MTNR1B: variants seen among roughly 807,000 people sequenced by gnomAD.
The protein encoded by MTNR1B is melatonin receptor 1B, also known as melatonin receptor type 1B.
In MTNR1B, 7 loss-of-function variants were observed where a neutral mutation model predicts 7.0. That is an observed-to-expected ratio of 1.00 (90% CI 0.57 to 1.88). MTNR1B has a LOEUF of 1.88. Among genes scored for constraint, MTNR1B ranks in the 40% most tolerant of loss-of-function variants. MTNR1B has a pLI of 0.00. For missense variants in MTNR1B, 478 were observed against 486.5 expected, an observed-to-expected ratio of 0.98 and a Z score of 0.16; for synonymous variants, 226 against 208.2, an observed-to-expected ratio of 1.09 and a Z score of -0.74.
At chr11:92,983,533 A>AG (rs1277273161), downstream of MTNR1B, among the ~76,000 whole-genome samples, 1 of 151,932 alleles carries the variant, frequency 6.6e-6, no homozygotes, top group Non-Finnish European at 1.5e-5. Flanking sequence ...AAAAAAAAAA[A>AG]AAGAAGAAGA....
chr11:92,972,545 G>A (rs1857947815), intron 1 of MTNR1B: 3 of 456,090 alleles, frequency 6.6e-6, no homozygotes, highest in African/African-American at 6.0e-5. Flanking sequence ...AGGGAGGAGT[G>A]GAGGCAAGGT....
chr11:92,980,177 C>T (rs1256873161), intron 1 of MTNR1B, among the ~76,000 whole-genome samples: 1 of 152,182 alleles, frequency 6.6e-6, no homozygotes, highest in Non-Finnish European at 1.5e-5. Flanking sequence ...GGGAGTTCCT[C>T]CTGCACACCA....
chr11:92,969,787 G>A lies in MTNR1B; in HGVS notation c.62G>A (p.Gly21Asp), dbSNP rs1453817729. Residue 21 changes from glycine (G) to aspartate (D), a missense_variant, in exon 1 of 2, where the codon GGC (glycine) becomes GAC (aspartate). Physicochemically the swap from Gly to Asp is moderately conservative, Grantham distance 94. Transcript: ENST00000257068. ...GCGGGCGGGTGGGCAGTGCGCCCGGGCTGGTCGGGGGCTGGCAGCGCGCGG... is the reference window on the plus strand; with the variant it reads ...GCGGGCGGGTGGGCAGTGCGCCCGGACTGGTCGGGGGCTGGCAGCGCGCGG... ...CEAGGWAVRP[G>D]WSGAGSARPS... 2.6e-6 allele frequency: 4 copies of A among 1,547,686 alleles called. No individual in the cohort carries two copies. The East Asian group carries it at 7.3e-5, about 28-fold the overall frequency.
Position 92,981,454 on chromosome 11 carries a change from G to T in MTNR1B, c.231G>T (p.Leu77Phe), listed in dbSNP as rs1464207313. ...RNRKLRNAGN[L>F]FLVSLALADL... is the part of the protein sequence containing the mutation. ...CTCTGTTTGCTGCTTCAGGTAATTT[G>T]TTCTTGGTGAGTCTGGCATTGGCTG... Residue 77 changes from leucine to phenylalanine, a missense_variant, in exon 2 of 2, where the codon TTG becomes TTT. Physicochemically the swap from Leu to Phe is conservative, Grantham distance 22. Transcript: ENST00000257068. 1 of 1,612,164 alleles carries T rather than the reference G, an allele frequency of 6.2e-7. No homozygotes were observed. The highest frequency in any genetic ancestry group is 8.5e-7 in the Non-Finnish European group (1 of 1,178,832).
chr11:92,982,109 C>G lies in MTNR1B; in HGVS notation c.886C>G (p.Leu296Val), dbSNP rs781443982. ...GGGGCTATTTGTCACTAGCTACTTA[C>G]TGGCTTATTTCAACAGCTGCCTGAA... is the stretch of plus-strand genomic sequence containing the variant. ...PEGLFVTSYL[L>V]AYFNSCLNAI... The change falls in exon 2 of 2, where the codon CTG (leucine) becomes GTG (valine). Residue 296 changes from leucine to valine, a missense_variant. Leu to Val is a conservative substitution (Grantham distance 32). Coordinates refer to ENST00000257068, the MANE Select transcript of MTNR1B (RefSeq NM_005959.5). The G allele has an allele frequency of 1.2e-6, 2 of 1,614,100 alleles. No homozygotes were observed. Among genetic ancestry groups the G allele is most frequent in the Non-Finnish European group, 1.7e-6 (2 of 1,180,054 alleles).
At position 92,982,749 on chromosome 11, in the gene MTNR1B, T is replaced by G; in HGVS notation, c.*437T>G. 4.8e-6 allele frequency: 1 copy of G among 207,396 alleles called. No homozygotes were observed. Among genetic ancestry groups the G allele is most frequent in the Non-Finnish European group, 9.7e-6 (1 of 102,816 alleles). 12.8% of individuals were successfully genotyped at this position (207,396 alleles called of 1,614,324 possible). On this transcript the variant is annotated 3_prime_UTR_variant, in exon 2 of 2. Coordinates refer to ENST00000257068, the MANE Select transcript of MTNR1B (RefSeq NM_005959.5). Reference sequence around the variant, plus strand: ...GTCAGTAGGACTGGAACTTGGTAACTGCAAGGGCCTCAGGTGGGGCAGGTG... The same window carrying G: ...GTCAGTAGGACTGGAACTTGGTAACGGCAAGGGCCTCAGGTGGGGCAGGTG...
In MTNR1B at chr11:92,982,330, C is replaced by A; in HGVS notation, c.*18C>A. ...CTCTCTAGCCTGGATCTGAGGCACA[C>A]CAGCAGCATGACAAACTCATGAAAT... is the stretch of plus-strand genomic sequence containing the variant. On this transcript the variant is annotated 3_prime_UTR_variant, in exon 2 of 2. Coordinates refer to ENST00000257068, the MANE Select transcript of MTNR1B (RefSeq NM_005959.5). 1.9e-6 allele frequency: 3 copies of A among 1,596,642 alleles called. No homozygotes were observed. Among genetic ancestry groups the A allele is most frequent in the Non-Finnish European group, 2.6e-6 (3 of 1,173,366 alleles).
intron 1 of MTNR1B, among the ~76,000 whole-genome samples, chr11:92,971,969 T>A (rs1018348110): frequency 4.6e-5 from 7 of 152,220 alleles, no homozygotes; most frequent in Non-Finnish European, 8.8e-5. Context: ...TGACATCAAT[T>A]CCTGCCACTG....
chr11:92,983,756 G>A (rs1386138388), downstream of MTNR1B, among the ~76,000 whole-genome samples: 1 of 152,122 alleles, frequency 6.6e-6, no homozygotes, highest in Non-Finnish European at 1.5e-5. Context: ...CTGGTTTGTT[G>A]CCTGCCCTCT....
downstream of MTNR1B, chr11:92,982,844 TCACACCACAGA>T (rs962041005): frequency 4.0e-5 from 7 of 173,430 alleles, no homozygotes; most frequent in Admixed American, 2.2e-4. Flanking sequence ...CACACATGCA[TCACACCACAGA>T]CACACCACAC....
In MTNR1B at chr11:92,969,784, C is replaced by T; in HGVS notation, c.59C>T (p.Pro20Leu). ...GAGGCGGGCGGGTGGGCAGTGCGCC[C>T]GGGCTGGTCGGGGGCTGGCAGCGCG... ...CCEAGGWAVR[P>L]GWSGAGSARP... is the part of the protein sequence containing the mutation. The change falls in exon 1 of 2, where the codon CCG (proline) becomes CTG (leucine). Residue 20 changes from proline (P) to leucine (L), a missense_variant. Coordinates refer to ENST00000257068, the MANE Select transcript of MTNR1B (RefSeq NM_005959.5). 1.9e-6 allele frequency: 3 copies of T among 1,544,566 alleles called. No homozygotes were observed. The highest frequency in any genetic ancestry group is 2.4e-5 in the South Asian group (2 of 83,688).
chr11:92,975,499 GC>G (rs1023449369), intron 1 of MTNR1B, among the ~76,000 whole-genome samples: 3 of 152,184 alleles, frequency 2.0e-5, no homozygotes, highest in African/African-American at 7.2e-5. Context: ...TGGCAAAGCT[GC>G]CCCTCCTCCA....
intron 1 of MTNR1B, among the ~76,000 whole-genome samples, chr11:92,975,294 G>T (rs1857994750): frequency 6.6e-6 from 1 of 152,180 alleles, no homozygotes; most frequent in Non-Finnish European, 1.5e-5. Flanking sequence ...TCTGACAATG[G>T]ATTTTTGTGC....
chr11:92,969,799 C>T lies in MTNR1B; in HGVS notation c.74C>T (p.Ala25Val). The T allele has an allele frequency of 6.4e-7, 1 of 1,559,276 alleles. No individual in the cohort carries two copies. Among genetic ancestry groups the T allele is most frequent in the Non-Finnish European group, 8.7e-7 (1 of 1,151,588 alleles). Residue 25 changes from alanine to valine, a missense_variant, in exon 1 of 2, where the codon GCT (alanine) becomes GTT (valine). Physicochemically the swap from Ala to Val is moderately conservative, Grantham distance 64. Transcript: ENST00000257068. ...GCAGTGCGCCCGGGCTGGTCGGGGGCTGGCAGCGCGCGGCCCTCCAGGACC... is the reference window on the plus strand; with the variant it reads ...GCAGTGCGCCCGGGCTGGTCGGGGGTTGGCAGCGCGCGGCCCTCCAGGACC... ...GWAVRPGWSG[A>V]GSARPSRTPR...
At chr11:92,981,391 T>A in intron 1 of MTNR1B, 56 bp from the exon 2 acceptor site, 4 of 1,560,420 alleles carry the variant, frequency 2.6e-6, no homozygotes, top group Non-Finnish European at 3.5e-6. Flanking sequence ...TAGGATGTTC[T>A]ACAGAATCTA....
downstream of MTNR1B, among the ~76,000 whole-genome samples, chr11:92,984,356 G>A (rs1386161160): frequency 6.6e-6 from 1 of 152,092 alleles, no homozygotes; most frequent in East Asian, 1.9e-4. Context: ...CCTAACTGTT[G>A]GGAATGAAGA....
intron 1 of MTNR1B, 31 bp from the exon 2 acceptor site, chr11:92,981,416 G>A (rs551551378): frequency 2.1e-5 from 33 of 1,594,642 alleles, no homozygotes; most frequent in Admixed American, 6.8e-5. Flanking sequence ...GTGGGGTCTC[G>A]TGCTGACTGT....
intron 1 of MTNR1B, among the ~76,000 whole-genome samples, chr11:92,973,787 T>C (rs1208230878): frequency 6.6e-6 from 1 of 152,156 alleles, no homozygotes; most frequent in Admixed American, 6.5e-5. Flanking sequence ...GACACTTTCA[T>C]TCAGTTTCTG....
Position 92,982,396 on chromosome 11 carries a change from T to G in MTNR1B, c.*84T>G. On this transcript the variant is annotated 3_prime_UTR_variant, in exon 2 of 2. Transcript: ENST00000257068. Reference sequence around the variant, plus strand: ...GCTGCAAGGGTGAGACCAGGCAGCCTGCTGGGCCACACTGTCCTGTTGGCA... The same window carrying G: ...GCTGCAAGGGTGAGACCAGGCAGCCGGCTGGGCCACACTGTCCTGTTGGCA... 1 of 1,464,906 alleles carries G rather than the reference T, an allele frequency of 6.8e-7. No individual in the cohort carries two copies. Among genetic ancestry groups the G allele is most frequent in the South Asian group, 1.4e-5 (1 of 73,010 alleles). The allele number at this position is 1,464,906 out of a possible 1,614,324, so 90.7% of individuals were successfully genotyped here. A position where few individuals can be genotyped will look rare whatever the true frequency, so the allele number is the denominator to read the frequency against.
Sources: gnomAD v4.1 joint callset for allele counts (sites outside exome capture counted in the v4.1 genomes callset) on GRCh38, gnomAD v4.1.1 for gene constraint, MANE v1.5 for transcripts, NCBI Gene and HGNC (gene_info 2026-07-23, HGNC 2026-07-21) for gene names.